The following EXOC6B variants were observed in gnomAD, a reference collection of about 807,000 sequenced individuals.
EXOC6B encodes SEC15 homolog B.
A neutral mutation model predicts 113.5 loss-of-function variants in EXOC6B; 54 were observed. The observed-to-expected ratio is 0.48, with a 90% CI of 0.38 to 0.60. The LOEUF is 0.60. Among genes scored for constraint, EXOC6B ranks in the 20% least tolerant of loss-of-function variants. The probability of loss-of-function intolerance (pLI) is 0.00; values close to 1 mark genes in which losing one functional copy is unlikely to be tolerated. For synonymous variants in EXOC6B, 357 were observed against 339.0 expected (o/e 1.05, Z -0.58); for missense variants, 797 against 977.5 (o/e 0.82, Z 2.46).
chr2:72,582,966 T>C (rs528138205), intron 6 of EXOC6B, among the ~76,000 whole-genome samples: 2 of 152,132 alleles, frequency 1.3e-5, no homozygotes, highest in South Asian at 2.1e-4. Context: ...ACTTCTAAAT[T>C]AATCAAGGAA....
intron 16 of EXOC6B, among the ~76,000 whole-genome samples, chr2:72,482,506 G>A: frequency 6.6e-6 from 1 of 151,766 alleles, no homozygotes. Context: ...AGGTTGGGGG[G>A]TGGGGGTGGC....
chr2:72,631,461 TAGAGAGAGAGAGAGAGAGAG>T (rs372313608), intron 6 of EXOC6B, among the ~76,000 whole-genome samples: 99 of 9,704 alleles, frequency 0.01, 1 homozygote, highest in African/African-American at 0.018. Context: ...TATATATATA[TAGAGAGAGAGAGAGAGAGAG>T]AGAGAGAGAG....
intron 20 of EXOC6B, among the ~76,000 whole-genome samples, chr2:72,313,453 T>C (rs1243073362): frequency 6.6e-6 from 1 of 152,192 alleles, no homozygotes; most frequent in African/African-American, 2.4e-5. Flanking sequence ...GCTGATTTTG[T>C]GCAGGGGCCA....
chr2:72,512,314 CGGAAGGAAGGAA>C (rs745543998), intron 11 of EXOC6B, among the ~76,000 whole-genome samples: 3 of 107,554 alleles, frequency 2.8e-5, no homozygotes, highest in African/African-American at 3.8e-5. Flanking sequence ...TTAAGAAACA[CGGAAGGAAGGAA>C]GGAAGGAAGG....
intron 1 of EXOC6B, among the ~76,000 whole-genome samples, chr2:72,786,891 G>A (rs1416302237): frequency 2.0e-5 from 3 of 152,288 alleles, no homozygotes; most frequent in Admixed American, 2.0e-4. Context: ...GTGAAAAACA[G>A]TGAGGGCTTA....
In EXOC6B at chr2:72,701,475, G is replaced by T. The variant is rs142593806; in HGVS notation, c.669+16628C>A. ...ATCAGCAAAGTAAACACCTAAGAAAGGCAGGAAAATATTAAAACTCTTAAA... is the reference window on the plus strand; with the variant it reads ...ATCAGCAAAGTAAACACCTAAGAAATGCAGGAAAATATTAAAACTCTTAAA... On this transcript the variant is annotated intron_variant, in intron 6 of 21. Transcript: ENST00000272427. Among the ~76,000 whole-genome samples the T allele has an allele frequency of 1.3e-4, 19 of 151,974 alleles. No homozygotes were observed. The East Asian group carries it at 3.5e-3, about 28-fold the overall frequency.
intron 6 of EXOC6B, among the ~76,000 whole-genome samples, chr2:72,710,062 G>A (rs1393517009): frequency 6.6e-6 from 1 of 151,958 alleles, no homozygotes; most frequent in Non-Finnish European, 1.5e-5. Flanking sequence ...CCACCACCGT[G>A]CCCAGCTAAT....
chr2:72,722,572 A>G (rs1222652440), intron 5 of EXOC6B, among the ~76,000 whole-genome samples: 2 of 152,198 alleles, frequency 1.3e-5, no homozygotes, highest in East Asian at 3.8e-4. Flanking sequence ...TTAGAAATAA[A>G]AGTACAAATA....
At chr2:72,300,723 G>A (rs1686458248) in intron 20 of EXOC6B, among the ~76,000 whole-genome samples, 1 of 152,182 alleles carries the variant, frequency 6.6e-6, no homozygotes, top group African/African-American at 2.4e-5. Context: ...TCTGGCCGGA[G>A]TGCGAGTGCA....
Position 72,359,855 on chromosome 2 carries a change from C to T in EXOC6B, c.2122+19874G>A, listed in dbSNP as rs189836896. The stretch of plus-strand genomic sequence containing the variant: ...CCCTTATAAATGGCTTGGTGCCCTC[C>T]CCACAGTAATGAGTTCATGTGAGAG... On this transcript the variant is annotated intron_variant, in intron 19 of 21. Transcript: ENST00000272427. Among the ~76,000 whole-genome samples the T allele has an allele frequency of 2.2e-3, 331 of 152,148 alleles. 3 individuals carry two copies. Among genetic ancestry groups the T allele is most frequent in the African/African-American group, 6.8e-3 (282 of 41,522 alleles).
At chr2:72,484,252 C>T (rs866612022) in intron 16 of EXOC6B, among the ~76,000 whole-genome samples, 3 of 151,558 alleles carry the variant, frequency 2.0e-5, no homozygotes, top group South Asian at 2.1e-4. Context: ...CCTATTGACC[C>T]GTACTCTTAA....
chr2:72,497,668 T>C (rs1019106828), intron 13 of EXOC6B, among the ~76,000 whole-genome samples: 1 of 152,184 alleles, frequency 6.6e-6, no homozygotes, highest in Admixed American at 6.6e-5. Flanking sequence ...ATCAGAGATA[T>C]GTTCATAAAC....
At chr2:72,698,449 C>A (rs1678051145) in intron 6 of EXOC6B, among the ~76,000 whole-genome samples, 1 of 152,190 alleles carries the variant, frequency 6.6e-6, no homozygotes, top group Non-Finnish European at 1.5e-5. Context: ...AATGCCTTTT[C>A]ATGTCACACT....
chr2:72,491,412 A>G (rs895309620), intron 16 of EXOC6B, among the ~76,000 whole-genome samples: 2 of 152,104 alleles, frequency 1.3e-5, no homozygotes, highest in Non-Finnish European at 2.9e-5. Flanking sequence ...GCGCTTCACC[A>G]TAATCCTTGA....
intron 20 of EXOC6B, among the ~76,000 whole-genome samples, chr2:72,285,251 G>C (rs1298781404): frequency 6.6e-6 from 1 of 152,050 alleles, no homozygotes; most frequent in Non-Finnish European, 1.5e-5. Flanking sequence ...AGGCAGTGTG[G>C]TATTGGTGAA....
chr2:72,411,196 A>G (rs973711930), intron 18 of EXOC6B, among the ~76,000 whole-genome samples: 4 of 152,178 alleles, frequency 2.6e-5, no homozygotes, highest in African/African-American at 7.2e-5. Context: ...TGGGTGACAG[A>G]GTGAGACCCT....
chr2:72,632,859 T>C (rs1171661087), intron 6 of EXOC6B, among the ~76,000 whole-genome samples: 2 of 152,046 alleles, frequency 1.3e-5, no homozygotes, highest in African/African-American at 4.8e-5. Flanking sequence ...TTTGTTAATA[T>C]TTGATAGAGT....
chr2:72,631,469 G>T (rs1365455730), intron 6 of EXOC6B, among the ~76,000 whole-genome samples: 140 of 3,494 alleles, frequency 0.04, 2 homozygotes, highest in Admixed American at 0.056. Context: ...TATAGAGAGA[G>T]AGAGAGAGAG....
At chr2:72,415,221 C>A (rs1318507458) in intron 18 of EXOC6B, among the ~76,000 whole-genome samples, 1 of 151,930 alleles carries the variant, frequency 6.6e-6, no homozygotes, top group Admixed American at 6.6e-5. Context: ...ATTAAAGAAG[C>A]CAAATATCCC....
Sources: gnomAD v4.1 joint callset for allele counts (sites outside exome capture counted in the v4.1 genomes callset) on GRCh38, gnomAD v4.1.1 for gene constraint, MANE v1.5 for transcripts, NCBI Gene and HGNC (gene_info 2026-07-23, HGNC 2026-07-21) for gene names.